The following PTER variants were observed in gnomAD, a reference collection of about 807,000 sequenced individuals.
PTER encodes the protein phosphotriesterase related.
PTER carries 38 observed loss-of-function variants against 29.6 expected under a neutral mutation model. The observed-to-expected ratio is 1.28, with a 90% CI of 0.99 to 1.68. The LOEUF (loss-of-function observed/expected upper bound fraction) is 1.68, where lower values mean the gene tolerates loss of function less well. Among genes scored for constraint, PTER ranks in the 40% most tolerant of loss-of-function variants. The pLI, the probability that PTER is intolerant of heterozygous loss-of-function variation, is 0.00. For missense variants in PTER, 482 were observed against 427.8 expected (o/e 1.13, Z -1.12); for synonymous variants, 172 against 154.5 (o/e 1.11, Z -0.84).
chr10:16,487,529 G>C (rs1286336251), intron 3 of PTER, among the ~76,000 whole-genome samples: 1 of 152,120 alleles, frequency 6.6e-6, no homozygotes, highest in East Asian at 1.9e-4. Context: ...TATATCTGCA[G>C]ACCTTTTCCC....
chr10:16,465,267 A>G (rs1024388714), intron 1 of PTER, among the ~76,000 whole-genome samples: 3 of 152,064 alleles, frequency 2.0e-5, no homozygotes, highest in African/African-American at 7.2e-5. Flanking sequence ...TAAGGTAGGC[A>G]CTGTGTTGGT....
rs1359729926 is a variant in PTER at position 16,452,036 on chromosome 10, CT to C, written c.-49+14992del. ...TCTTTAAACCAATCCACTTTTTTTA[CT>C]TTAGCTCCATCCTAAACAATAATAT... On this transcript the variant is annotated intron_variant, in intron 1 of 4. Transcript: ENST00000535784. Among the ~76,000 whole-genome samples, 3 of 152,042 alleles carry C rather than the reference CT, an allele frequency of 2.0e-5. No homozygotes were observed. In the East Asian group the frequency reaches 5.8e-4, roughly 29 times the overall value.
chr10:16,507,145 G>A (rs1490383315), intron 4 of PTER, among the ~76,000 whole-genome samples: 2 of 150,978 alleles, frequency 1.3e-5, no homozygotes. Context: ...CAGATAGACA[G>A]GAAAAGCATA....
At chr10:16,437,640 T>C (rs902911628) in intron 1 of PTER, 6 of 152,048 alleles carry the variant, frequency 3.9e-5, no homozygotes, top group African/African-American at 1.5e-4. Context: ...TTTTTGACAG[T>C]TTATAAAAGC....
At chr10:16,439,549 T>C (rs1384460407) in intron 1 of PTER, among the ~76,000 whole-genome samples, 1 of 152,054 alleles carries the variant, frequency 6.6e-6, no homozygotes, top group Non-Finnish European at 1.5e-5. Context: ...ATTTTAGAGA[T>C]TGTCTCAGTT....
At position 16,447,192 on chromosome 10, in the gene PTER, T is replaced by C. The variant is rs548358846; in HGVS notation, c.-49+10145T>C. 4.1e-4 allele frequency among the ~76,000 whole-genome samples: 61 copies of C among 149,548 alleles called. No individual in the cohort carries two copies. The South Asian group carries it at 4.1e-3, about 10-fold the overall frequency. On this transcript the variant is annotated intron_variant, in intron 1 of 4. Transcript: ENST00000535784. ...CATAGCTCACTGCAGCCTTGAACTA[T>C]TGGGCTCAAGCGATCCTCCCACCTC...
At chr10:16,514,384 G>A (rs924377928), downstream of PTER, 6 of 651,252 alleles carry the variant, frequency 9.2e-6, no homozygotes, top group Non-Finnish European at 1.6e-5. Context: ...TGATACAGAT[G>A]TGAGTCAGGT....
Position 16,511,088 on chromosome 10 carries a change from G to C in PTER, c.882G>C (p.Leu294=), listed in dbSNP as rs1252847174. The change falls in exon 5 of 5, where the codon CTG becomes CTC. Residue 294 remains leucine (L), a synonymous_variant. Transcript: ENST00000535784. ...AAGAGGGCTGTGAAGATCGAATTCTGGTAGCACATGACATACATACGAAAA... is the reference window on the plus strand; with the variant it reads ...AAGAGGGCTGTGAAGATCGAATTCTCGTAGCACATGACATACATACGAAAA... ...LVEEGCEDRI[L]VAHDIHTKTR... 6.2e-7 allele frequency: 1 copy of C among 1,613,852 alleles called. No individual in the cohort carries two copies. Among genetic ancestry groups the C allele is most frequent in the Admixed American group, 1.7e-5 (1 of 59,974 alleles).
At chr10:16,471,630 A>T (rs571514164) in intron 1 of PTER, among the ~76,000 whole-genome samples, 1 of 152,196 alleles carries the variant, frequency 6.6e-6, no homozygotes, top group East Asian at 1.9e-4. Context: ...TTCAGGTAAT[A>T]AGAGCATTTT....
intron 1 of PTER, among the ~76,000 whole-genome samples, chr10:16,476,959 G>A (rs1446545670): frequency 7.1e-6 from 1 of 141,810 alleles, no homozygotes; most frequent in Non-Finnish European, 1.5e-5. Flanking sequence ...AGATTGGAGT[G>A]TAGTGGTGTG....
At chr10:16,453,864 T>C (rs114980074) in intron 1 of PTER, among the ~76,000 whole-genome samples, 2,717 of 152,240 alleles carry the variant, frequency 0.018, 90 homozygotes, top group African/African-American at 0.063. Context: ...ATGTAACATC[T>C]TTCCACATAG....
chr10:16,438,255 C>T (rs910220585), intron 1 of PTER, among the ~76,000 whole-genome samples: 3 of 151,924 alleles, frequency 2.0e-5, no homozygotes, highest in Non-Finnish European at 4.4e-5. Flanking sequence ...TCACCCACCT[C>T]GGCCTCCTAA....
At position 16,503,201 on chromosome 10, in the gene PTER, G is replaced by A. The variant is rs1440753313; in HGVS notation, c.699-1819G>A. Among the ~76,000 whole-genome samples, 15 of 149,250 alleles carry A rather than the reference G, an allele frequency of 1.0e-4. 1 individual carries two copies. The highest frequency in any genetic ancestry group is 4.3e-4 in the South Asian group (2 of 4,666). On this transcript the variant is annotated intron_variant, in intron 3 of 4. Transcript: ENST00000535784. ...CTCTCAAAGTGCTAGGATTACAGAC[G>A]TGAGCCACCACACCCAGCCACATAT...
At chr10:16,460,145 A>G (rs1343109841) in intron 1 of PTER, among the ~76,000 whole-genome samples, 2 of 152,206 alleles carry the variant, frequency 1.3e-5, no homozygotes, top group Admixed American at 1.3e-4. Context: ...AGGAAAGCAC[A>G]CTGCAGTTAA....
At chr10:16,517,991 G>C (rs1322630239), downstream of PTER, among the ~76,000 whole-genome samples, 1 of 152,058 alleles carries the variant, frequency 6.6e-6, no homozygotes, top group African/African-American at 2.4e-5. Context: ...CTCTTAGAGG[G>C]AACTGCATTT....
chr10:16,450,872 G>T (rs1010451264), intron 1 of PTER, among the ~76,000 whole-genome samples: 2 of 152,190 alleles, frequency 1.3e-5, no homozygotes, highest in East Asian at 3.8e-4. Context: ...CATGAGTGGT[G>T]AATCAGGAGT....
rs773371499 is a variant in PTER, at chr10:16,505,073, T to G, written c.752T>G (p.Leu251Trp). 1.9e-6 allele frequency: 3 copies of G among 1,613,910 alleles called. No individual in the cohort carries two copies. Among genetic ancestry groups the G allele is most frequent in the Non-Finnish European group, 8.5e-7 (1 of 1,179,924 alleles). Residue 251 changes from leucine (L) to tryptophan (W), a missense_variant, in exon 4 of 5, where the codon TTG becomes TGG. Coordinates refer to ENST00000535784, the MANE Select transcript of PTER (RefSeq NM_001261836.2). ...GAGTTTGCTCAACTTGGCTGCTACT[T>G]GGAATATGATCTCTTTGGTACTGAA... is the stretch of plus-strand genomic sequence containing the variant. Reference protein sequence around the residue: ...LLEFAQLGCYLEYDLFGTELL... With the variant: ...LLEFAQLGCYWEYDLFGTELL...
chr10:16,491,378 G>T (rs1327180051), intron 3 of PTER, among the ~76,000 whole-genome samples: 1 of 152,196 alleles, frequency 6.6e-6, no homozygotes, highest in African/African-American at 2.4e-5. Flanking sequence ...TGAAGTGGCT[G>T]TTCACAGCAA....
At chr10:16,514,718 C>T, downstream of PTER, 6 of 1,599,186 alleles carry the variant, frequency 3.8e-6, no homozygotes, top group Non-Finnish European at 5.1e-6. Flanking sequence ...CTATGTGAAA[C>T]AGACAAGAAT....
Sources: gnomAD v4.1 joint callset for allele counts (sites outside exome capture counted in the v4.1 genomes callset) on GRCh38, gnomAD v4.1.1 for gene constraint, MANE v1.5 for transcripts, NCBI Gene and HGNC (gene_info 2026-07-23, HGNC 2026-07-21) for gene names.